OR2F1: variants seen among roughly 807,000 people sequenced by gnomAD.
OR2F1 encodes the protein olfactory receptor 2F1.
For synonymous variants in OR2F1, 146 were observed against 155.3 expected (o/e 0.94, Z 0.44); for missense variants, 389 against 378.2 (o/e 1.03, Z -0.24).
At position 143,963,165 on chromosome 7, in the gene OR2F1, G is replaced by A. The variant is rs1287077025; in HGVS notation, c.*2241G>A. 2 of 152,222 alleles carry A rather than the reference G, an allele frequency of 1.3e-5. No individual in the cohort carries two copies. Among genetic ancestry groups the A allele is most frequent in the African/African-American group, 4.8e-5 (2 of 41,452 alleles). The allele number at this position is 152,222 out of a possible 1,614,324, so 9.4% of individuals were successfully genotyped here. On this transcript the variant is annotated 3_prime_UTR_variant, in exon 3 of 3. Transcript: ENST00000641412. ...TCGTGAACATGCTCTATATGAAATG[G>A]TATGGGAAAGAGATAAGAAGAAAGT...
rs545658308 is a variant in OR2F1 at position 143,962,079 on chromosome 7, A to C, written c.*1155A>C. 1.3e-5 allele frequency: 2 copies of C among 152,188 alleles called. No individual in the cohort carries two copies. The highest frequency in any genetic ancestry group is 3.9e-4 in the East Asian group (2 of 5,168). The allele number at this position is 152,188 out of a possible 1,614,324, so 9.4% of individuals were successfully genotyped here. ...ATAATTGAAAAAGTGGAAAGAAAAG[A>C]AAGAATATGATCATAGCTGCTCTTC... On this transcript the variant is annotated 3_prime_UTR_variant, in exon 3 of 3. Transcript: ENST00000641412.
Position 143,960,796 on chromosome 7 carries a change from G to A in OR2F1, c.826G>A (p.Val276Ile), listed in dbSNP as rs1297344314. The part of the protein sequence containing the change: ...PSVLQEKLFS[V>I]FYAILTPMLN... Reference sequence around the variant, plus strand: ...TGTCCTTCAGGAGAAGTTGTTCTCTGTCTTTTATGCCATTTTAACACCAAT... The same window carrying A: ...TGTCCTTCAGGAGAAGTTGTTCTCTATCTTTTATGCCATTTTAACACCAAT... The change falls in exon 3 of 3, where the codon GTC becomes ATC. Residue 276 changes from valine to isoleucine, a missense_variant. By Grantham distance (29) the Val-to-Ile change is conservative. Transcript: ENST00000641412. 9 of 1,613,968 alleles carry A rather than the reference G, an allele frequency of 5.6e-6. No homozygotes were observed. Among genetic ancestry groups the A allele is most frequent in the East Asian group, 4.5e-5 (2 of 44,876 alleles).
chr7:143,957,754 G>A (rs895878001), intron 1 of OR2F1, among the ~76,000 whole-genome samples: 1 of 152,158 alleles, frequency 6.6e-6, no homozygotes, highest in Non-Finnish European at 1.5e-5. Context: ...CGGCACTTCT[G>A]TAGCTTTAGT....
At position 143,961,017 on chromosome 7, in the gene OR2F1, A is replaced by G. The variant is rs2050326046; in HGVS notation, c.*93A>G. 1 of 937,768 alleles carries G rather than the reference A, an allele frequency of 1.1e-6. No individual in the cohort carries two copies. Among genetic ancestry groups the G allele is most frequent in the Non-Finnish European group, 1.6e-6 (1 of 612,480 alleles). 58.1% of individuals were successfully genotyped at this position (937,768 alleles called of 1,614,324 possible). ...TGTAAACTACATTGCCCTGGCAACCAGGAAGGAGATGACGTAGCATGTACT... is the reference window on the plus strand; with the variant it reads ...TGTAAACTACATTGCCCTGGCAACCGGGAAGGAGATGACGTAGCATGTACT... On this transcript the variant is annotated 3_prime_UTR_variant, in exon 3 of 3. Transcript: ENST00000641412.
chr7:143,957,955 C>A (rs1392383304), intron 1 of OR2F1, among the ~76,000 whole-genome samples: 1 of 152,194 alleles, frequency 6.6e-6, no homozygotes, highest in Admixed American at 6.5e-5. Flanking sequence ...AGATGAGACA[C>A]TGTCACTCAT....
chr7:143,960,251 T>A lies in OR2F1; in HGVS notation c.281T>A (p.Phe94Tyr). 6.2e-7 allele frequency: 1 copy of A among 1,614,192 alleles called. No homozygotes were observed. Among genetic ancestry groups the A allele is most frequent in the Non-Finnish European group, 8.5e-7 (1 of 1,180,034 alleles). The change falls in exon 3 of 3, where the codon TTC (phenylalanine) becomes TAC (tyrosine). Residue 94 changes from phenylalanine (F) to tyrosine (Y), a missense_variant. Physicochemically the swap from Phe to Tyr is conservative, Grantham distance 22. Coordinates refer to ENST00000641412, the MANE Select transcript of OR2F1 (RefSeq NM_012369.3). ...CTTGCAGAACATAAAGCCATCCCAT[T>A]CCAGAGCTGTGCAGCCCAGTTATTT... is the stretch of plus-strand genomic sequence containing the variant. ...HFLAEHKAIP[F>Y]QSCAAQLFFS...
In OR2F1 at chr7:143,960,578, G is replaced by A; in HGVS notation, c.608G>A (p.Ser203Asn). The change falls in exon 3 of 3, where the codon AGC becomes AAC. Residue 203 changes from serine to asparagine, a missense_variant. Physicochemically the swap from Ser to Asn is conservative, Grantham distance 46 (BLOSUM62 1). Coordinates refer to ENST00000641412, the MANE Select transcript of OR2F1 (RefSeq NM_012369.3). ...AATGAGGTCACCATCATGGTGTCTAGCATTGTTCTTCTGATGACACCCTTC... is the reference window on the plus strand; with the variant it reads ...AATGAGGTCACCATCATGGTGTCTAACATTGTTCTTCTGATGACACCCTTC... ...SSNEVTIMVSSIVLLMTPFCL... is the reference protein window; with the variant it reads ...SSNEVTIMVSNIVLLMTPFCL... 1.2e-6 allele frequency: 2 copies of A among 1,614,198 alleles called. No individual in the cohort carries two copies. The highest frequency in any genetic ancestry group is 1.7e-6 in the Non-Finnish European group (2 of 1,180,034).
Position 143,960,542 on chromosome 7 carries a change from A to C in OR2F1, c.572A>C (p.Asp191Ala). ...GCTGTGGTCAGGCTGGCTTGTGTGG[A>C]CACCTCCTCCAATGAGGTCACCATC... is the stretch of plus-strand genomic sequence containing the variant. ...LLAVVRLACV[D>A]TSSNEVTIMV... is the part of the protein sequence containing the mutation. Residue 191 changes from aspartate (D) to alanine (A), a missense_variant, in exon 3 of 3, where the codon GAC becomes GCC. Coordinates refer to ENST00000641412, the MANE Select transcript of OR2F1 (RefSeq NM_012369.3). 6.2e-7 allele frequency: 1 copy of C among 1,614,110 alleles called. No individual in the cohort carries two copies. The highest frequency in any genetic ancestry group is 8.5e-7 in the Non-Finnish European group (1 of 1,180,014).
chr7:143,962,450 T>C lies in OR2F1; in HGVS notation c.*1526T>C, dbSNP rs972224186. The C allele has an allele frequency of 1.3e-5, 2 of 152,226 alleles. No individual in the cohort carries two copies. The highest frequency in any genetic ancestry group is 4.2e-4 in the South Asian group (2 of 4,810). The allele number at this position is 152,226 out of a possible 1,614,324, so 9.4% of individuals were successfully genotyped here. A position where few individuals can be genotyped will look rare whatever the true frequency, so the allele number is the denominator to read the frequency against. ...TCATAACAAGGATAATCTCACATAG[T>C]AGGGAGGACAGATGATGAAACAATG... On this transcript the variant is annotated 3_prime_UTR_variant, in exon 3 of 3. Transcript: ENST00000641412.
Position 143,960,526 on chromosome 7 carries a change from A to T in OR2F1, c.556A>T (p.Arg186Trp). Residue 186 changes from arginine (R) to tryptophan (W), a missense_variant, in exon 3 of 3, where the codon AGG becomes TGG. Arg to Trp is a moderately radical substitution (Grantham distance 101). Transcript: ENST00000641412. ...HISCELLAVV[R>W]LACVDTSSNE... is the part of the protein sequence containing the mutation. ...ATCCTGTGAACTCCTAGCTGTGGTC[A>T]GGCTGGCTTGTGTGGACACCTCCTC... is the stretch of plus-strand genomic sequence containing the variant. 6.2e-7 allele frequency: 1 copy of T among 1,614,222 alleles called. No individual in the cohort carries two copies. The highest frequency in any genetic ancestry group is 8.5e-7 in the Non-Finnish European group (1 of 1,180,038).
rs546981142 is a variant in OR2F1, at chr7:143,963,608, T to C, written c.*2684T>C. ...GAGGAGCACAGAAGCCAGTTGGAGT[T>C]CCAAAACCTCAAAAGTAGGGAAGCC... On this transcript the variant is annotated 3_prime_UTR_variant, in exon 3 of 3. Coordinates refer to ENST00000641412, the MANE Select transcript of OR2F1 (RefSeq NM_012369.3). The C allele has an allele frequency of 6.5e-6, 1 of 152,990 alleles. No homozygotes were observed. The highest frequency in any genetic ancestry group is 1.5e-5 in the Non-Finnish European group (1 of 68,064). The allele number at this position is 152,990 out of a possible 1,614,324, so 9.5% of individuals were successfully genotyped here.
Position 143,960,766 on chromosome 7 carries a change from C to T in OR2F1, c.796C>T (p.Pro266Ser), listed in dbSNP as rs761733327. Residue 266 changes from proline (P) to serine (S), a missense_variant, in exon 3 of 3, where the codon CCC (proline) becomes TCC (serine). Pro to Ser is a moderately conservative substitution (Grantham distance 74, BLOSUM62 -1). Transcript: ENST00000641412. ...CACTTACATCCAGCCCCACTCCAGT[C>T]CCTCTGTCCTTCAGGAGAAGTTGTT... ...IFTYIQPHSSPSVLQEKLFSV... is the reference protein window; with the variant it reads ...IFTYIQPHSSSSVLQEKLFSV... 1.2e-6 allele frequency: 2 copies of T among 1,614,168 alleles called. No homozygotes were observed. Among genetic ancestry groups the T allele is most frequent in the South Asian group, 2.2e-5 (2 of 91,064 alleles).
rs1000283531 is a variant in OR2F1 at position 143,963,561 on chromosome 7, C to T, written c.*2637C>T. 3 of 152,196 alleles carry T rather than the reference C, an allele frequency of 2.0e-5. No homozygotes were observed. Among genetic ancestry groups the T allele is most frequent in the African/African-American group, 4.8e-5 (2 of 41,424 alleles). The allele number at this position is 152,196 out of a possible 1,614,324, so 9.4% of individuals were successfully genotyped here. A position where few individuals can be genotyped will look rare whatever the true frequency, so the allele number is the denominator to read the frequency against. ...CTCACACGATCAAAAGGTAAAGTACCACAATAGGCCTTCTGTAAGCTGAGG... is the reference window on the plus strand; with the variant it reads ...CTCACACGATCAAAAGGTAAAGTACTACAATAGGCCTTCTGTAAGCTGAGG... On this transcript the variant is annotated 3_prime_UTR_variant, in exon 3 of 3. Coordinates refer to ENST00000641412, the MANE Select transcript of OR2F1 (RefSeq NM_012369.3).
chr7:143,956,344 C>T (rs1175526045), intron 1 of OR2F1, among the ~76,000 whole-genome samples: 1 of 152,074 alleles, frequency 6.6e-6, no homozygotes, highest in Non-Finnish European at 1.5e-5. Context: ...CTTCAACTGG[C>T]TTTCCAAATG....
Position 143,961,164 on chromosome 7 carries a change from A to C in OR2F1, c.*240A>C. The C allele has an allele frequency of 2.1e-6, 1 of 468,942 alleles. No homozygotes were observed. The allele number at this position is 468,942 out of a possible 1,614,324, so 29.0% of individuals were successfully genotyped here. On this transcript the variant is annotated 3_prime_UTR_variant, in exon 3 of 3. Coordinates refer to ENST00000641412, the MANE Select transcript of OR2F1 (RefSeq NM_012369.3). Reference sequence around the variant, plus strand: ...AACCTCCCACACTTCTTCCACCTCCACTCTTACAGCCTGACAATCGTTGAA... The same window carrying C: ...AACCTCCCACACTTCTTCCACCTCCCCTCTTACAGCCTGACAATCGTTGAA...
Position 143,960,554 on chromosome 7 carries a change from A to G in OR2F1, c.584A>G (p.Asn195Ser), listed in dbSNP as rs141076830. The G allele has an allele frequency of 7.0e-5, 113 of 1,614,052 alleles. No individual in the cohort carries two copies. The African/African-American group carries it at 1.1e-3, about 15-fold the overall frequency. Residue 195 changes from asparagine to serine, a missense_variant, in exon 3 of 3, where the codon AAT (asparagine) becomes AGT (serine). Transcript: ENST00000641412. ...VRLACVDTSS[N>S]EVTIMVSSIV... Reference sequence around the variant, plus strand: ...CTGGCTTGTGTGGACACCTCCTCCAATGAGGTCACCATCATGGTGTCTAGC... The same window carrying G: ...CTGGCTTGTGTGGACACCTCCTCCAGTGAGGTCACCATCATGGTGTCTAGC...
In OR2F1 at chr7:143,962,824, A is replaced by C. The variant is rs1407853844; in HGVS notation, c.*1900A>C. 1 of 152,210 alleles carries C rather than the reference A, an allele frequency of 6.6e-6. No homozygotes were observed. Among genetic ancestry groups the C allele is most frequent in the Non-Finnish European group, 1.5e-5 (1 of 68,032 alleles). 9.4% of individuals were successfully genotyped at this position (152,210 alleles called of 1,614,324 possible). ...TAGTCCGTCAAAAATTTTTAGAAGG[A>C]GTATAGATTGAAAACAATTACATTT... On this transcript the variant is annotated 3_prime_UTR_variant, in exon 3 of 3. Coordinates refer to ENST00000641412, the MANE Select transcript of OR2F1 (RefSeq NM_012369.3).
Position 143,959,977 on chromosome 7 carries a change from A to C in OR2F1, c.7A>C (p.Thr3Pro). 3.1e-6 allele frequency: 5 copies of C among 1,599,130 alleles called. No homozygotes were observed. The highest frequency in any genetic ancestry group is 4.3e-6 in the Non-Finnish European group (5 of 1,171,680). The change falls in exon 3 of 3, where the codon ACA (threonine) becomes CCA (proline). Residue 3 changes from threonine to proline, a missense_variant. Thr to Pro is a conservative substitution (Grantham distance 38). Transcript: ENST00000641412. MG[T>P]DNQTWVSEFI... is the part of the protein sequence containing the mutation. ...ATAATCCTTGAATATTTTAATGGGA[A>C]CAGATAACCAGACTTGGGTGAGTGA... is the stretch of plus-strand genomic sequence containing the variant.
intron 2 of OR2F1, among the ~76,000 whole-genome samples, chr7:143,959,648 A>G (rs1414945385): frequency 6.6e-6 from 1 of 151,966 alleles, no homozygotes; most frequent in Non-Finnish European, 1.5e-5. Context: ...GTCATTTGCA[A>G]TTTTCTCCTT....
Sources: allele counts gnomAD v4.1 joint callset (sites outside exome capture counted in the v4.1 genomes callset), GRCh38; gene constraint gnomAD v4.1.1; transcripts MANE v1.5; gene names NCBI Gene and HGNC (gene_info 2026-07-23, HGNC 2026-07-21).